TEX11: variants seen among roughly 807,000 people sequenced by gnomAD.
TEX11 encodes the protein testis expressed 11.
A neutral mutation model predicts 84.4 loss-of-function variants in TEX11; 7 were observed. The observed-to-expected ratio is 0.08, with a 90% CI of 0.05 to 0.16. The LOEUF (loss-of-function observed/expected upper bound fraction) is 0.16. Ranked by LOEUF, TEX11 falls within the 10% of genes least tolerant of loss-of-function variation. The probability of loss-of-function intolerance (pLI) is 1.00; values close to 1 mark genes in which losing one functional copy is unlikely to be tolerated. For missense variants in TEX11, 551 were observed against 660.5 expected (o/e 0.83, Z 1.82); for synonymous variants, 264 against 222.8 (o/e 1.18, Z -1.64).
At chrX:70,732,790 G>A (rs1240126712) in intron 11 of TEX11, among the ~76,000 whole-genome samples, 1 of 111,293 alleles carries the variant, frequency 9.0e-6, no homozygotes, top group Non-Finnish European at 1.9e-5. Context: ...TCACAGAATT[G>A]GAAAAAACTA....
intron 14 of TEX11, among the ~76,000 whole-genome samples, chrX:70,679,632 G>C (rs1477554022): frequency 1.0e-5 from 1 of 98,408 alleles, no homozygotes; most frequent in Non-Finnish European, 2.1e-5. Context: ...CCCGGCAGCC[G>C]CGCTGTCTGA....
At chrX:70,812,941 T>G (rs918641038) in intron 8 of TEX11, among the ~76,000 whole-genome samples, 17 of 111,285 alleles carry the variant, frequency 1.5e-4, no homozygotes, top group African/African-American at 5.5e-4. Context: ...GCTCTAAAAT[T>G]GAGGCAATAA....
At chrX:70,604,927 G>C (rs888561771) in intron 24 of TEX11, among the ~76,000 whole-genome samples, 2 of 111,350 alleles carry the variant, frequency 1.8e-5, no homozygotes, top group African/African-American at 6.5e-5. Flanking sequence ...AAGGAATTCT[G>C]TCTTGTAGAA....
intron 24 of TEX11, 102 bp downstream of exon 24, chrX:70,605,299 A>G: frequency 1.9e-6 from 1 of 515,781 alleles, no homozygotes; most frequent in Admixed American, 3.4e-5. Context: ...GGAGTGGAGA[A>G]AAGGATTCTC....
intron 2 of TEX11, among the ~76,000 whole-genome samples, chrX:70,893,398 G>A (rs1295081274): frequency 1.8e-5 from 2 of 111,900 alleles, no homozygotes; most frequent in Admixed American, 1.9e-4. Flanking sequence ...AATCAAATTA[G>A]AACTCAGGGT....
chrX:70,570,408 ACCCACTGTCCTGCGC>A (rs1432162492), intron 25 of TEX11, among the ~76,000 whole-genome samples: 9 of 111,792 alleles, frequency 8.1e-5, no homozygotes, highest in African/African-American at 2.9e-4. Flanking sequence ...GGTGCGCTGC[ACCCACTGTCCTGCGC>A]CCACTGTCTG....
intron 15 of TEX11, among the ~76,000 whole-genome samples, chrX:70,673,976 TG>T (rs2090047081): frequency 8.9e-6 from 1 of 111,998 alleles, no homozygotes; most frequent in Non-Finnish European, 1.9e-5. Context: ...AGGGGTTTGT[TG>T]TACATATTAT....
At chrX:70,638,584 G>C (rs766015912) in intron 17 of TEX11, among the ~76,000 whole-genome samples, 10 of 110,633 alleles carry the variant, frequency 9.0e-5, no homozygotes, top group African/African-American at 2.6e-4. Context: ...CAGATCACTT[G>C]AGGTCAGAAT....
At chrX:70,895,801 G>C (rs2091763350) in intron 2 of TEX11, among the ~76,000 whole-genome samples, 1 of 111,667 alleles carries the variant, frequency 9.0e-6, no homozygotes, top group African/African-American at 3.3e-5. Flanking sequence ...AATGGTGCCA[G>C]GAAAACTGGC....
At chrX:70,851,111 G>C (rs888795724) in intron 7 of TEX11, among the ~76,000 whole-genome samples, 2 of 111,429 alleles carry the variant, frequency 1.8e-5, no homozygotes, top group African/African-American at 6.5e-5. Flanking sequence ...CATTCATATG[G>C]AAATGTAAGG....
chrX:70,722,319 T>C (rs1240881782), intron 13 of TEX11, among the ~76,000 whole-genome samples: 1 of 112,323 alleles, frequency 8.9e-6, no homozygotes, highest in Non-Finnish European at 1.9e-5. Context: ...TTGCCCATGC[T>C]GGAATGCAGT....
chrX:70,673,593 T>A (rs991479886), intron 15 of TEX11: 29 of 104,095 alleles, frequency 2.8e-4, no homozygotes, highest in Non-Finnish European at 5.4e-4. Flanking sequence ...TATTTAATTT[T>A]TGTATAAAAT....
chrX:70,561,698 T>C (rs1340046330), intron 25 of TEX11, among the ~76,000 whole-genome samples: 1 of 111,267 alleles, frequency 9.0e-6, no homozygotes, highest in Non-Finnish European at 1.9e-5. Context: ...AATTTACTTA[T>C]TTTTAAAACT....
At chrX:70,771,964 T>C (rs746475613) in intron 9 of TEX11, among the ~76,000 whole-genome samples, 8 of 111,714 alleles carry the variant, frequency 7.2e-5, no homozygotes, top group Non-Finnish European at 1.1e-4. Context: ...CTGACCACAT[T>C]AGCCTCAGTG....
chrX:70,593,911 C>A (rs1193575598), intron 24 of TEX11, among the ~76,000 whole-genome samples: 2 of 110,508 alleles, frequency 1.8e-5, no homozygotes, highest in Non-Finnish European at 3.8e-5. Context: ...ACCAATATAC[C>A]CATAATGGGA....
intron 9 of TEX11, among the ~76,000 whole-genome samples, chrX:70,803,763 G>A (rs146623352): frequency 5.6e-4 from 62 of 111,482 alleles, no homozygotes; most frequent in East Asian, 4.8e-3. Flanking sequence ...TACAGAAAAC[G>A]GTGCTTAATT....
chrX:70,723,460 T>C (rs1017292956), intron 12 of TEX11, among the ~76,000 whole-genome samples: 1 of 111,917 alleles, frequency 8.9e-6, no homozygotes, highest in Non-Finnish European at 1.9e-5. Flanking sequence ...CAAACTTTTA[T>C]GTACTATATA....
At chrX:70,523,525 G>A in the TEX11 span, among the ~76,000 whole-genome samples, 4 of 111,045 alleles carry the variant, frequency 3.6e-5, no homozygotes, top group Admixed American at 1.9e-4. Context: ...GTGCAGTGGC[G>A]CGATCTCGGC....
chrX:70,744,930 A>AGGTT (rs1349327637), intron 9 of TEX11, among the ~76,000 whole-genome samples: 1 of 106,768 alleles, frequency 9.4e-6, no homozygotes, highest in Non-Finnish European at 1.9e-5. Flanking sequence ...CATGTTGGCC[A>AGGTT]GGTTGGTCTC....
Sources: allele counts gnomAD v4.1 joint callset (sites outside exome capture counted in the v4.1 genomes callset), GRCh38; gene constraint gnomAD v4.1.1; transcripts MANE v1.5; gene names NCBI Gene and HGNC (gene_info 2026-07-23, HGNC 2026-07-21).